The following FADS6 variants were observed in gnomAD, a reference collection of about 807,000 sequenced individuals.
FADS6 encodes the protein fatty acid desaturase 6, also known as fatty acid desaturase domain family, member 6.
In FADS6, 28 loss-of-function variants were observed where a neutral mutation model predicts 31.7. The observed-to-expected ratio is 0.88, with a 90% confidence interval of 0.66 to 1.21. The LOEUF is 1.21. Among genes scored for constraint, FADS6 ranks in the 50% most tolerant of loss-of-function variants. The pLI, the probability that FADS6 is intolerant of heterozygous loss-of-function variation, is 0.00. For missense variants in FADS6, 494 were observed against 504.2 expected (o/e 0.98, Z 0.19); for synonymous variants, 191 against 213.1 (o/e 0.90, Z 0.90).
In FADS6 at chr17:74,893,552, GGTTCCATGGGCTCCGTA is replaced by G. The variant is rs2038719215; in HGVS notation, c.27_43del (p.Thr10TyrfsTer270). ...CTCCGTAGGTTCCATGGGCTCCGTAGGTTCCATGGGCTCCGTAGGTTCCATCGGCTCCGTGGGTTCCA... is the reference window on the plus strand; with the variant it reads ...CTCCGTAGGTTCCATGGGCTCCGTAGGGTTCCATCGGCTCCGTGGGTTCCA... On this transcript the variant is annotated frameshift_variant, in exon 1 of 6. Coordinates refer to ENST00000612771, the MANE Select transcript of FADS6 (RefSeq NM_178128.6). LOFTEE classifies it high-confidence loss of function. 4 of 1,415,134 alleles carry G rather than the reference GGTTCCATGGGCTCCGTA, an allele frequency of 2.8e-6. No individual in the cohort carries two copies. Among genetic ancestry groups the G allele is most frequent in the Non-Finnish European group, 3.7e-6 (4 of 1,073,954 alleles). 87.7% of individuals were successfully genotyped at this position (1,415,134 alleles called of 1,614,324 possible). A position where few individuals can be genotyped will look rare whatever the true frequency, so the allele number is the denominator to read the frequency against.
At chr17:74,890,584 G>C (rs1203056566) in intron 2 of FADS6, among the ~76,000 whole-genome samples, 1 of 152,120 alleles carries the variant, frequency 6.6e-6, no homozygotes, top group Non-Finnish European at 1.5e-5. Context: ...TGGTTCCCTA[G>C]ACAACTGCAG....
At chr17:74,879,094 A>C (rs1432556729) in intron 5 of FADS6, 1 of 250,676 alleles carries the variant, frequency 4.0e-6, no homozygotes, top group Non-Finnish European at 7.4e-6. Context: ...GCTGGAGTGC[A>C]GTGGCACGAT....
intron 2 of FADS6, 82 bp downstream of exon 2, chr17:74,892,441 A>T: frequency 6.7e-7 from 1 of 1,500,856 alleles, no homozygotes. Flanking sequence ...GCACAGCTGG[A>T]CACACCCGCA....
At chr17:74,890,950 G>A (rs1198696807) in intron 2 of FADS6, among the ~76,000 whole-genome samples, 2 of 152,114 alleles carry the variant, frequency 1.3e-5, no homozygotes, top group Non-Finnish European at 2.9e-5. Flanking sequence ...CAGCAAGCCT[G>A]GGCCTCCAGA....
chr17:74,893,545 C>T lies in FADS6; in HGVS notation c.51G>A (p.Glu17=), dbSNP rs953876860. The change falls in exon 1 of 6, where the codon GAG becomes GAA. Residue 17 remains glutamate (E), a synonymous_variant. Coordinates refer to ENST00000612771, the MANE Select transcript of FADS6 (RefSeq NM_178128.6). ...MEPTEPMEPT[E]PMEPTEPMEP... ...CCATGGGCTCCGTAGGTTCCATGGG[C>T]TCCGTAGGTTCCATGGGCTCCGTAG... 39 of 1,425,330 alleles carry T rather than the reference C, an allele frequency of 2.7e-5. No homozygotes were observed. The highest frequency in any genetic ancestry group is 3.5e-5 in the Non-Finnish European group (38 of 1,079,000). The allele number at this position is 1,425,330 out of a possible 1,614,324, so 88.3% of individuals were successfully genotyped here.
chr17:74,891,432 C>T (rs928915070), intron 2 of FADS6, among the ~76,000 whole-genome samples: 2 of 152,256 alleles, frequency 1.3e-5, no homozygotes, highest in Middle Eastern at 3.4e-3. Context: ...AGCCCAATGT[C>T]TCCCTTGCCT....
chr17:74,875,044 G>C (rs775909135), downstream of FADS6, among the ~76,000 whole-genome samples: 2 of 152,182 alleles, frequency 1.3e-5, no homozygotes, highest in Non-Finnish European at 2.9e-5. Flanking sequence ...GCACATAATG[G>C]AAGTTCGTAC....
intron 2 of FADS6, 90 bp downstream of exon 2, chr17:74,892,433 A>C: frequency 6.8e-7 from 1 of 1,470,662 alleles, no homozygotes; most frequent in Non-Finnish European, 9.1e-7. Flanking sequence ...GGGCACATGC[A>C]CAGCTGGACA....
At position 74,892,815 on chromosome 17, in the gene FADS6, G is replaced by A. The variant is rs2038706140; in HGVS notation, c.245-126C>T. ...TAGGCTCTGGGGGCTGCCACTGGCC[G>A]GAGTGAGGCAGGTCCCACTGTGGCC... On this transcript the variant is annotated intron_variant, in intron 1 of 5. Coordinates refer to ENST00000612771, the MANE Select transcript of FADS6 (RefSeq NM_178128.6). 1.1e-5 allele frequency: 10 copies of A among 946,730 alleles called. No homozygotes were observed. The South Asian group carries it at 1.2e-4, about 12-fold the overall frequency. 58.6% of individuals were successfully genotyped at this position (946,730 alleles called of 1,614,324 possible). A position where few individuals can be genotyped will look rare whatever the true frequency, so the allele number is the denominator to read the frequency against.
chr17:74,881,138 G>C lies in FADS6; in HGVS notation c.710C>G (p.Ser237Ter), dbSNP rs771804471. Residue 237 changes from serine to a stop codon, truncating the protein, a stop_gained, in exon 4 of 6, where the codon TCA (serine) becomes TGA (stop). Coordinates refer to ENST00000612771, the MANE Select transcript of FADS6 (RefSeq NM_178128.6). LOFTEE classifies it high-confidence loss of function. The part of the protein sequence containing the change: ...LNVSGFKNPS[S>*]ALGCMFLTRS... ...GGTGAGGAACATGCAGCCCAGGGCT[G>C]AGCTGGGGTTCTTGAAGCCTGACAC... is the stretch of plus-strand genomic sequence containing the variant. The C allele has an allele frequency of 1.2e-6, 2 of 1,613,506 alleles. No homozygotes were observed. Among genetic ancestry groups the C allele is most frequent in the African/African-American group, 2.7e-5 (2 of 74,924 alleles).
chr17:74,889,219 T>C (rs1438940305), intron 2 of FADS6, among the ~76,000 whole-genome samples: 2 of 151,992 alleles, frequency 1.3e-5, no homozygotes, highest in African/African-American at 4.8e-5. Context: ...CCAATGATAC[T>C]CAGTTAATGC....
In FADS6 at chr17:74,882,345, A is replaced by G. The variant is rs549156906; in HGVS notation, c.592+185T>C. On this transcript the variant is annotated intron_variant, in intron 3 of 5. Coordinates refer to ENST00000612771, the MANE Select transcript of FADS6 (RefSeq NM_178128.6). ...GTTAAGTTATCTGCCCATAGTCCCC[A>G]GCTAGTAAGCGGCAGAGCCAGACTC... Among the ~76,000 whole-genome samples the G allele has an allele frequency of 5.9e-4, 90 of 152,366 alleles. 1 individual carries two copies. The highest frequency in any genetic ancestry group is 5.4e-3 in the South Asian group (26 of 4,834).
chr17:74,887,354 G>A (rs1248871199), intron 2 of FADS6, among the ~76,000 whole-genome samples: 1 of 152,186 alleles, frequency 6.6e-6, no homozygotes, highest in African/African-American at 2.4e-5. Context: ...CAAGGTGGTG[G>A]GAACCACTGG....
chr17:74,891,665 G>C (rs945089705), intron 2 of FADS6, among the ~76,000 whole-genome samples: 4 of 152,126 alleles, frequency 2.6e-5, no homozygotes, highest in African/African-American at 9.7e-5. Flanking sequence ...ATAGTGCTAG[G>C]TGAGAAATGC....
At position 74,878,449 on chromosome 17, in the gene FADS6, C is replaced by G. The variant is rs375696893; in HGVS notation, c.989G>C (p.Arg330Pro). 1.9e-6 allele frequency: 3 copies of G among 1,614,016 alleles called. No individual in the cohort carries two copies. The highest frequency in any genetic ancestry group is 2.2e-5 in the South Asian group (2 of 91,090). ...CTCGTTGTACGGTAGCTGCTTCTCACGTAGGAACTGGGACACCACGGGCTT... is the reference window on the plus strand; with the variant it reads ...CTCGTTGTACGGTAGCTGCTTCTCAGGTAGGAACTGGGACACCACGGGCTT... ...KVKPVVSQFL[R>P]EKQLPYNEDS... The change falls in exon 6 of 6, where the codon CGT becomes CCT. Residue 330 changes from arginine (R) to proline (P), a missense_variant. Around this residue, in one of 2 missense-constraint regions of FADS6, gnomAD observed 454 missense variants for 438.5 expected, o/e 1.04. Transcript: ENST00000612771.
downstream of FADS6, among the ~76,000 whole-genome samples, chr17:74,874,877 G>A (rs1366478516): frequency 1.3e-5 from 2 of 152,152 alleles, no homozygotes; most frequent in East Asian, 3.8e-4. Context: ...TGGCACAATT[G>A]AGTAGTTGTA....
intron 3 of FADS6, among the ~76,000 whole-genome samples, chr17:74,881,890 T>C (rs897930773): frequency 6.6e-6 from 1 of 152,062 alleles, no homozygotes; most frequent in Non-Finnish European, 1.5e-5. Context: ...GCTCTCCTGA[T>C]ATCAAAGCTG....
chr17:74,882,199 G>C (rs2038577461), intron 3 of FADS6, among the ~76,000 whole-genome samples: 5 of 152,172 alleles, frequency 3.3e-5, no homozygotes, highest in Admixed American at 2.6e-4. Context: ...GCCTCCCAAA[G>C]TGCTAGGATT....
Position 74,878,196 on chromosome 17 carries a change from G to GC in FADS6, c.*134dup, listed in dbSNP as rs1010212230. On this transcript the variant is annotated 3_prime_UTR_variant, in exon 6 of 6. Coordinates refer to ENST00000612771, the MANE Select transcript of FADS6 (RefSeq NM_178128.6). ...CCAGACCCCAGGCCTGAGCTCCCCTGCCCCCCTGCCTGGCCGGTGCCTCCA... is the reference window on the plus strand; with the variant it reads ...CCAGACCCCAGGCCTGAGCTCCCCTGCCCCCCCTGCCTGGCCGGTGCCTCCA... 7 of 1,438,874 alleles carry GC rather than the reference G, an allele frequency of 4.9e-6. No individual in the cohort carries two copies. In the African/African-American group the frequency reaches 7.2e-5, roughly 15 times the overall value. 89.1% of individuals were successfully genotyped at this position (1,438,874 alleles called of 1,614,324 possible). A position where few individuals can be genotyped will look rare whatever the true frequency, so the allele number is the denominator to read the frequency against.
Sources: allele counts gnomAD v4.1 joint callset (sites outside exome capture counted in the v4.1 genomes callset), GRCh38; gene constraint gnomAD v4.1.1; regional missense constraint gnomAD v4.1.1; transcripts MANE v1.5; gene names NCBI Gene and HGNC (gene_info 2026-07-23, HGNC 2026-07-21).